The following SCARA5 variants were observed in gnomAD, a reference collection of about 807,000 sequenced individuals.
SCARA5 encodes scavenger receptor class A member 5, also known as scavenger receptor class A, member 5 (putative).
SCARA5 carries 45 observed loss-of-function variants against 46.3 expected under a neutral mutation model. The ratio of observed to expected loss-of-function variants is 0.97; its 90% CI spans 0.76 to 1.24. The LOEUF (loss-of-function observed/expected upper bound fraction) is 1.24. Ranked by LOEUF, SCARA5 falls within the 50% of genes most tolerant of loss-of-function variation. SCARA5 has a pLI of 0.00. For synonymous variants in SCARA5, 333 were observed against 306.5 expected (o/e 1.09, Z -0.90); for missense variants, 680 against 689.0 (o/e 0.99, Z 0.15).
chr8:27,907,577 T>TTA (rs1373823404), intron 5 of SCARA5, among the ~76,000 whole-genome samples: 1 of 146,036 alleles, frequency 6.8e-6, no homozygotes, highest in Non-Finnish European at 1.5e-5. Context: ...AAACACTTTT[T>TTA]TTTTTTTTTT....
rs147306730 is a variant in SCARA5, at chr8:27,927,549, T to C, written c.242-5304A>G. On this transcript the variant is annotated intron_variant, in intron 3 of 8. Transcript: ENST00000354914. ...GTAATCATTTTATAAGCATTTTTTA[T>C]CCTCTGTTTTATAATTATGATTTTG... 2.6e-3 allele frequency among the ~76,000 whole-genome samples: 397 copies of C among 152,290 alleles called. 1 individual carries two copies. Among genetic ancestry groups the C allele is most frequent in the African/African-American group, 9.2e-3 (383 of 41,560 alleles).
At chr8:27,893,001 G>A (rs1344286061) in intron 7 of SCARA5, among the ~76,000 whole-genome samples, 1 of 152,144 alleles carries the variant, frequency 6.6e-6, no homozygotes, top group Non-Finnish European at 1.5e-5. Context: ...ATCATTGTGA[G>A]CTCCCACCCC....
intron 5 of SCARA5, among the ~76,000 whole-genome samples, chr8:27,909,227 T>C (rs1267556109): frequency 6.6e-6 from 1 of 152,100 alleles, no homozygotes; most frequent in Admixed American, 6.5e-5. Context: ...GGATAGGTAT[T>C]CATGACCCAT....
intron 7 of SCARA5, among the ~76,000 whole-genome samples, chr8:27,895,276 G>T (rs1038579017): frequency 1.3e-5 from 2 of 152,168 alleles, no homozygotes; most frequent in African/African-American, 4.8e-5. Context: ...TGTAAAGAAA[G>T]AACTCCCCGT....
At chr8:27,909,390 G>A (rs929187396) in intron 5 of SCARA5, among the ~76,000 whole-genome samples, 1 of 152,106 alleles carries the variant, frequency 6.6e-6, no homozygotes, top group Non-Finnish European at 1.5e-5. Flanking sequence ...TGCTCACACA[G>A]ACCCTGGCTC....
intron 3 of SCARA5, among the ~76,000 whole-genome samples, chr8:27,953,371 C>T (rs1208981663): frequency 6.6e-6 from 1 of 152,242 alleles, no homozygotes; most frequent in Non-Finnish European, 1.5e-5. Flanking sequence ...CACTTGCCAG[C>T]TGTGTATTTT....
intron 4 of SCARA5, among the ~76,000 whole-genome samples, chr8:27,912,033 C>T (rs1442217374): frequency 1.3e-5 from 2 of 152,134 alleles, no homozygotes; most frequent in Admixed American, 1.3e-4. Context: ...AGGAAGGGTC[C>T]TCCCACTGAG....
intron 4 of SCARA5, among the ~76,000 whole-genome samples, chr8:27,916,238 G>T (rs1184352899): frequency 6.6e-6 from 1 of 152,212 alleles, no homozygotes; most frequent in African/African-American, 2.4e-5. Flanking sequence ...AATACACATA[G>T]TTGAGTATTT....
chr8:27,943,669 G>A (rs1264599470), intron 3 of SCARA5, among the ~76,000 whole-genome samples: 1 of 152,178 alleles, frequency 6.6e-6, no homozygotes, highest in Non-Finnish European at 1.5e-5. Context: ...CACGTAATCA[G>A]AGCTGACCAG....
At chr8:27,878,053 A>T (rs1218659172) in intron 8 of SCARA5, among the ~76,000 whole-genome samples, 1 of 152,190 alleles carries the variant, frequency 6.6e-6, no homozygotes, top group African/African-American at 2.4e-5. Flanking sequence ...TTGGACAGCA[A>T]TGACCTCAGG....
intron 3 of SCARA5, among the ~76,000 whole-genome samples, chr8:27,925,408 A>G (rs527517396): frequency 6.6e-6 from 1 of 152,350 alleles, no homozygotes; most frequent in East Asian, 1.9e-4. Context: ...TATTTAATAA[A>G]TGGTGCTGGG....
intron 7 of SCARA5, among the ~76,000 whole-genome samples, chr8:27,904,173 A>T (rs1387067527): frequency 2.0e-5 from 3 of 151,766 alleles, no homozygotes; most frequent in Non-Finnish European, 2.9e-5. Context: ...CTCCAGCGTC[A>T]CTCCTCCATC....
At chr8:27,894,937 C>T (rs1563515381) in intron 7 of SCARA5, among the ~76,000 whole-genome samples, 1 of 152,120 alleles carries the variant, frequency 6.6e-6, no homozygotes, top group Non-Finnish European at 1.5e-5. Context: ...ATTTGAGGGG[C>T]TCTGAGAACG....
rs74391689 is a variant in SCARA5 at position 27,992,040 on chromosome 8, C to G, written c.-16+217G>C. 2.0e-3 allele frequency among the ~76,000 whole-genome samples: 311 copies of G among 152,318 alleles called. 2 individuals are homozygous for G. The highest frequency in any genetic ancestry group is 7.1e-3 in the African/African-American group (296 of 41,568). The stretch of plus-strand genomic sequence containing the variant: ...CCCTCTGGCACCCCAAATGCAGGCT[C>G]ACATTCTCTCCAGCCCAGGCAGTTG... On this transcript the variant is annotated intron_variant, in intron 1 of 8. Transcript: ENST00000354914.
In SCARA5 at chr8:27,914,060, C is replaced by G. The variant is rs375162497; in HGVS notation, c.917-4317G>C. Among the ~76,000 whole-genome samples the G allele has an allele frequency of 2.3e-3, 348 of 152,284 alleles. 2 individuals are homozygous for G. Among genetic ancestry groups the G allele is most frequent in the African/African-American group, 4.8e-3 (199 of 41,566 alleles). ...GTGGGAGGGACTCAGTGGGAGGTAA[C>G]TGAATCATGGGGGTGGGTCTTTCCC... On this transcript the variant is annotated intron_variant, in intron 4 of 8. Transcript: ENST00000354914.
At chr8:27,942,697 C>A (rs1478284910) in intron 3 of SCARA5, among the ~76,000 whole-genome samples, 1 of 152,084 alleles carries the variant, frequency 6.6e-6, no homozygotes. Context: ...CTGACTTGGC[C>A]CTTTCTTGTG....
At chr8:27,981,248 G>A (rs971558357) in intron 2 of SCARA5, among the ~76,000 whole-genome samples, 2 of 152,130 alleles carry the variant, frequency 1.3e-5, no homozygotes, top group African/African-American at 4.8e-5. Context: ...ACACATCACA[G>A]GGTTTCATAA....
rs754075441 is a variant in SCARA5, at chr8:27,871,463, T to G, written c.*471A>C. 39 of 989,556 alleles carry G rather than the reference T, an allele frequency of 3.9e-5. No individual in the cohort carries two copies. Among genetic ancestry groups the G allele is most frequent in the Non-Finnish European group, 4.6e-5 (38 of 832,410 alleles). The allele number at this position is 989,556 out of a possible 1,614,324, so 61.3% of individuals were successfully genotyped here. Reference sequence around the variant, plus strand: ...AAGGGGGGAAATTCATCACTTGACGTTGCCTCTTGCTGGGGAGGAAGATGT... The same window carrying G: ...AAGGGGGGAAATTCATCACTTGACGGTGCCTCTTGCTGGGGAGGAAGATGT... On this transcript the variant is annotated 3_prime_UTR_variant, in exon 9 of 9. Coordinates refer to ENST00000354914, the MANE Select transcript of SCARA5 (RefSeq NM_173833.6).
intron 7 of SCARA5, among the ~76,000 whole-genome samples, chr8:27,892,006 T>C (rs1806991790): frequency 6.6e-6 from 1 of 152,232 alleles, no homozygotes; most frequent in Admixed American, 6.5e-5. Flanking sequence ...CCCATGGGCA[T>C]TGCCTTCCAC....
Sources: gnomAD v4.1 joint callset for allele counts (sites outside exome capture counted in the v4.1 genomes callset) on GRCh38, gnomAD v4.1.1 for gene constraint, MANE v1.5 for transcripts, NCBI Gene and HGNC (gene_info 2026-07-23, HGNC 2026-07-21) for gene names.